NPAS3: variants seen among roughly 807,000 people sequenced by gnomAD.
NPAS3 encodes the protein neuronal PAS domain protein 3.
Under a neutral mutation model 73.1 loss-of-function variants are expected in NPAS3, and 14 were observed. The observed-to-expected ratio is 0.19, with a 90% CI of 0.13 to 0.30. The LOEUF is 0.30. Among genes scored for constraint, NPAS3 ranks in the 10% least tolerant of loss-of-function variants. NPAS3 has a pLI of 1.00. For synonymous variants in NPAS3, 620 were observed against 541.5 expected, an observed-to-expected ratio of 1.14 and a Z score of -2.01; for missense variants, 1,096 against 1,250.0, an observed-to-expected ratio of 0.88 and a Z score of 1.86.
intron 5 of NPAS3, among the ~76,000 whole-genome samples, chr14:33,585,639 C>T (rs1026630304): frequency 6.6e-6 from 1 of 152,200 alleles, no homozygotes; most frequent in South Asian, 2.1e-4. Flanking sequence ...ATCAGAGATA[C>T]ATGACTCTTA....
chr14:33,655,396 A>G (rs1432523498), intron 5 of NPAS3, among the ~76,000 whole-genome samples: 2 of 148,446 alleles, frequency 1.3e-5, no homozygotes, highest in African/African-American at 5.0e-5. Context: ...GATAAATCCA[A>G]GCATGCATGT....
chr14:33,510,328 G>C (rs1301741531), intron 4 of NPAS3, among the ~76,000 whole-genome samples: 1 of 152,000 alleles, frequency 6.6e-6, no homozygotes, highest in Admixed American at 6.6e-5. Context: ...AGGAATTCAG[G>C]CTTCTATTTC....
At chr14:33,697,730 A>G (rs2060422995) in intron 6 of NPAS3, among the ~76,000 whole-genome samples, 1 of 152,246 alleles carries the variant, frequency 6.6e-6, no homozygotes, top group African/African-American at 2.4e-5. Flanking sequence ...TTATACATTC[A>G]TGTATCTTAT....
chr14:33,534,114 G>A (rs1277412580), intron 4 of NPAS3, among the ~76,000 whole-genome samples: 1 of 150,930 alleles, frequency 6.6e-6, no homozygotes, highest in Admixed American at 6.6e-5. Flanking sequence ...TCTACAGGGA[G>A]AATTTACAGC....
chr14:33,614,387 G>T (rs2057849330), intron 5 of NPAS3, among the ~76,000 whole-genome samples: 1 of 152,186 alleles, frequency 6.6e-6, no homozygotes, highest in Non-Finnish European at 1.5e-5. Context: ...CTATATTTGT[G>T]TAGAATATTG....
chr14:33,697,450 A>G (rs1233845276), intron 6 of NPAS3, among the ~76,000 whole-genome samples: 1 of 152,100 alleles, frequency 6.6e-6, no homozygotes, highest in Admixed American at 6.5e-5. Flanking sequence ...GCTTGCCTTC[A>G]TTTTTCAACA....
intron 2 of NPAS3, among the ~76,000 whole-genome samples, chr14:33,064,347 C>T (rs2041209683): frequency 6.6e-6 from 1 of 152,114 alleles, no homozygotes; most frequent in Admixed American, 6.6e-5. Flanking sequence ...AATTGTCCTA[C>T]CAGCAACAAA....
chr14:33,597,470 A>G (rs187387091), intron 5 of NPAS3, among the ~76,000 whole-genome samples: 1 of 152,370 alleles, frequency 6.6e-6, no homozygotes, highest in East Asian at 1.9e-4. Context: ...AAGTAAATAT[A>G]TCCATTCATA....
intron 3 of NPAS3, among the ~76,000 whole-genome samples, chr14:33,224,372 T>C (rs934261059): frequency 2.6e-5 from 4 of 152,170 alleles, no homozygotes; most frequent in African/African-American, 9.6e-5. Flanking sequence ...TTCTGGATAC[T>C]GTGCATAAGT....
chr14:33,217,165 A>T (rs1023499328), intron 3 of NPAS3, among the ~76,000 whole-genome samples: 1 of 152,108 alleles, frequency 6.6e-6, no homozygotes, highest in African/African-American at 2.4e-5. Context: ...TTAAACCATC[A>T]GATCTCGTGA....
intron 4 of NPAS3, among the ~76,000 whole-genome samples, chr14:33,528,224 C>T (rs1049864849): frequency 5.3e-5 from 8 of 151,956 alleles, no homozygotes; most frequent in Non-Finnish European, 1.0e-4. Flanking sequence ...GTGCCCACCC[C>T]ACTGATATTT....
intron 2 of NPAS3, among the ~76,000 whole-genome samples, chr14:33,111,655 T>C (rs925778379): frequency 6.8e-6 from 1 of 147,894 alleles, no homozygotes; most frequent in African/African-American, 2.5e-5. Flanking sequence ...TAAATTTTCT[T>C]TTTTTTTCTT....
intron 6 of NPAS3, among the ~76,000 whole-genome samples, chr14:33,708,736 A>T (rs1167794428): frequency 6.6e-6 from 1 of 152,230 alleles, no homozygotes; most frequent in African/African-American, 2.4e-5. Flanking sequence ...CGGGAAAATT[A>T]AAAATAACCC....
At chr14:33,347,082 A>G (rs1436814950) in intron 3 of NPAS3, among the ~76,000 whole-genome samples, 4 of 152,204 alleles carry the variant, frequency 2.6e-5, no homozygotes, top group Non-Finnish European at 4.4e-5. Flanking sequence ...CCTCCACATT[A>G]TCAAAATTTC....
chr14:33,416,368 G>A (rs551643020), intron 4 of NPAS3, among the ~76,000 whole-genome samples: 1 of 152,164 alleles, frequency 6.6e-6, no homozygotes, highest in East Asian at 1.9e-4. Flanking sequence ...GATTTTATCT[G>A]GCTCTAGCAT....
At chr14:33,305,194 A>G (rs1227074771) in intron 3 of NPAS3, among the ~76,000 whole-genome samples, 3 of 152,144 alleles carry the variant, frequency 2.0e-5, no homozygotes, top group Non-Finnish European at 2.9e-5. Context: ...TTCTTGAATC[A>G]TCATTGTATT....
intron 5 of NPAS3, among the ~76,000 whole-genome samples, chr14:33,568,382 G>C (rs1220396327): frequency 6.6e-6 from 1 of 152,144 alleles, no homozygotes; most frequent in Non-Finnish European, 1.5e-5. Context: ...CTGACAAGCA[G>C]TATTTTCTAT....
chr14:32,945,414 A>G (rs1020035451), intron 1 of NPAS3, among the ~76,000 whole-genome samples: 7 of 152,224 alleles, frequency 4.6e-5, no homozygotes, highest in Admixed American at 2.6e-4. Context: ...CAGACACTAT[A>G]TTACATGCTT....
At chr14:33,434,541 A>G (rs1034198494) in intron 4 of NPAS3, among the ~76,000 whole-genome samples, 3 of 151,948 alleles carry the variant, frequency 2.0e-5, no homozygotes, top group African/African-American at 7.3e-5. Flanking sequence ...AAAAAAATCC[A>G]TAGTTAACAA....
Sources: gnomAD v4.1 joint callset for allele counts (sites outside exome capture counted in the v4.1 genomes callset) on GRCh38, gnomAD v4.1.1 for gene constraint, MANE v1.5 for transcripts, NCBI Gene and HGNC (gene_info 2026-07-23, HGNC 2026-07-21) for gene names.